SLC26A9: variants seen among roughly 807,000 people sequenced by gnomAD.
The protein encoded by SLC26A9 is solute carrier family 26 member 9, also known as anion transporter/exchanger protein 9.
In SLC26A9, 46 loss-of-function variants were observed where a neutral mutation model predicts 87.1. The ratio of observed to expected loss-of-function variants is 0.53; its 90% CI spans 0.42 to 0.67. SLC26A9 has a LOEUF of 0.67. Ranked by LOEUF, SLC26A9 falls within the 30% of genes least tolerant of loss-of-function variation. The pLI, the probability that SLC26A9 is intolerant of heterozygous loss-of-function variation, is 0.00. For missense variants in SLC26A9, 927 were observed against 1,018.3 expected, an observed-to-expected ratio of 0.91 and a Z score of 1.22; for synonymous variants, 437 against 409.1, an observed-to-expected ratio of 1.07 and a Z score of -0.82.
intron 11 of SLC26A9, 143 bp downstream of exon 11, chr1:205,927,068 C>T: frequency 1.2e-6 from 1 of 816,998 alleles, no homozygotes; most frequent in South Asian, 1.6e-5. Flanking sequence ...AGGATAAAAC[C>T]TGCATTGTCT....
At chr1:205,916,103 T>TTTTG (rs10647790) in intron 20 of SLC26A9, among the ~76,000 whole-genome samples, 121,907 of 151,514 alleles carry the variant, frequency 0.8, 49,289 homozygotes, top group East Asian at 0.91. Context: ...TTAGGTTTTG[T>TTTTG]TTTGTTTGTT....
At chr1:205,916,783 A>G (rs1471484598) in intron 20 of SLC26A9, among the ~76,000 whole-genome samples, 1 of 152,182 alleles carries the variant, frequency 6.6e-6, no homozygotes, top group Non-Finnish European at 1.5e-5. Context: ...CCCTCTCCCC[A>G]CGATAACTTT....
rs568231358 is a variant in SLC26A9 at position 205,924,342 on chromosome 1, G to GA, written c.1496+40dup. ...GAAGCCCTTTGCGGGCTGGCCCAGG[G>GA]AACCGACTGTGGGCCTAGGAGGGCG... On this transcript the variant is annotated intron_variant, in intron 13 of 20. Transcript: ENST00000367135. 1.5e-3 allele frequency: 2,323 copies of GA among 1,593,794 alleles called. 3 individuals carry two copies. Among genetic ancestry groups the GA allele is most frequent in the Non-Finnish European group, 1.7e-3 (2,029 of 1,162,176 alleles).
In SLC26A9 at chr1:205,915,054, G is replaced by A. The variant is rs1007880979; in HGVS notation, c.*303C>T. ...GGTGTCCTTCAGCTGCCAAGGACAG[G>A]GCAGAGGTGGGTGGGGTGGAGTGAG... On this transcript the variant is annotated 3_prime_UTR_variant, in exon 21 of 21. Coordinates refer to ENST00000367135, the MANE Select transcript of SLC26A9 (RefSeq NM_052934.4). 1 of 1,614,082 alleles carries A rather than the reference G, an allele frequency of 6.2e-7. No individual in the cohort carries two copies. The highest frequency in any genetic ancestry group is 8.5e-7 in the Non-Finnish European group (1 of 1,180,054).
chr1:205,937,484 A>C (rs947422864), intron 1 of SLC26A9, among the ~76,000 whole-genome samples: 1 of 152,226 alleles, frequency 6.6e-6, no homozygotes, highest in Non-Finnish European at 1.5e-5. Flanking sequence ...CTGGGTTCAA[A>C]GATTCAGTTT....
At chr1:205,927,154 A>G in intron 11 of SLC26A9, 57 bp downstream of exon 11, 1 of 1,578,738 alleles carries the variant, frequency 6.3e-7, no homozygotes, top group Admixed American at 1.7e-5. Context: ...CACAACTCTC[A>G]GGGATTGTTC....
intron 2 of SLC26A9, among the ~76,000 whole-genome samples, chr1:205,934,431 A>G (rs1335083357): frequency 1.3e-5 from 2 of 152,198 alleles, no homozygotes; most frequent in South Asian, 2.1e-4. Flanking sequence ...TGGCTAGGGA[A>G]AGAAAAACAA....
At chr1:205,926,913 G>T (rs75160559) in intron 11 of SLC26A9, among the ~76,000 whole-genome samples, 1 of 152,170 alleles carries the variant, frequency 6.6e-6, no homozygotes, top group Middle Eastern at 3.2e-3. Flanking sequence ...CCTGGTACTC[G>T]TGGGTAGGTG....
At chr1:205,927,316 G>A in intron 10 of SLC26A9, 28 bp from the exon 11 acceptor site, 5 of 1,612,828 alleles carry the variant, frequency 3.1e-6, no homozygotes, top group Non-Finnish European at 4.2e-6. Flanking sequence ...TGGGGATAGA[G>A]GGAAGGTGTG....
Position 205,914,805 on chromosome 1 carries a change from G to C in SLC26A9, c.*552C>G. 3 of 1,501,714 alleles carry C rather than the reference G, an allele frequency of 2.0e-6. No homozygotes were observed. Among genetic ancestry groups the C allele is most frequent in the Non-Finnish European group, 2.7e-6 (3 of 1,108,852 alleles). 93.0% of individuals were successfully genotyped at this position (1,501,714 alleles called of 1,614,324 possible). ...CAAGGCCTAGACTCCTGGGTGTGGA[G>C]AGCACATGGTCCCTGGGTGCAGAGC... On this transcript the variant is annotated 3_prime_UTR_variant, in exon 21 of 21. Transcript: ENST00000367135.
chr1:205,940,371 G>C (rs1300958568), intron 1 of SLC26A9, among the ~76,000 whole-genome samples: 1 of 152,152 alleles, frequency 6.6e-6, no homozygotes, highest in Non-Finnish European at 1.5e-5. Context: ...TTTCTAACCA[G>C]GTCTCTGTCA....
chr1:205,917,316 C>A lies in SLC26A9; in HGVS notation c.2295G>T (p.Glu765Asp). The A allele has an allele frequency of 6.2e-7, 1 of 1,614,020 alleles. No homozygotes were observed. Among genetic ancestry groups the A allele is most frequent in the South Asian group, 1.1e-5 (1 of 91,064 alleles). ...GDAELSLYDS[E>D]EDIRSYWDLE... ...AGTCCCAGTAGCTGCGAATGTCCTC[C>A]TCTGAGTCGTACAAGGAGAGCTCAG... The change falls in exon 20 of 21, where the codon GAG becomes GAT. Residue 765 changes from glutamate (E) to aspartate (D), a missense_variant. By Grantham distance (45) the Glu-to-Asp change is conservative. Coordinates refer to ENST00000367135, the MANE Select transcript of SLC26A9 (RefSeq NM_052934.4).
At position 205,929,983 on chromosome 1, in the gene SLC26A9, G is replaced by C; in HGVS notation, c.626C>G (p.Thr209Arg). The C allele has an allele frequency of 6.2e-7, 1 of 1,613,898 alleles. No homozygotes were observed. Among genetic ancestry groups the C allele is most frequent in the South Asian group, 1.1e-5 (1 of 91,058 alleles). The change falls in exon 6 of 21, where the codon ACG becomes AGG. Residue 209 changes from threonine to arginine, a missense_variant. Transcript: ENST00000367135. ...AATCAGGATCTGCAGGCCGGCGGCC[G>C]TCATGAAGCCCCGGATGAAGGACTC... ...LSESFIRGFM[T>R]AAGLQILISV...
chr1:205,942,221 G>A (rs1659776979), intron 1 of SLC26A9, among the ~76,000 whole-genome samples: 1 of 152,234 alleles, frequency 6.6e-6, no homozygotes, highest in Admixed American at 6.5e-5. Flanking sequence ...GACTCAGAGA[G>A]CAGGTGGCTA....
chr1:205,922,789 C>T (rs975336868), intron 16 of SLC26A9, among the ~76,000 whole-genome samples: 5 of 152,140 alleles, frequency 3.3e-5, no homozygotes, highest in African/African-American at 1.2e-4. Context: ...ATCTCAGCGA[C>T]TTGGGAGGCT....
chr1:205,938,034 G>T (rs992920907), intron 1 of SLC26A9, among the ~76,000 whole-genome samples: 1 of 152,052 alleles, frequency 6.6e-6, no homozygotes, highest in East Asian at 1.9e-4. Context: ...GCTTTCAAAG[G>T]GTCTAAGTTC....
rs1571721533 is a variant in SLC26A9, at chr1:205,913,647, C to T, written c.*1710G>A. The T allele has an allele frequency of 6.6e-6, 1 of 152,656 alleles. No individual in the cohort carries two copies. Among genetic ancestry groups the T allele is most frequent in the East Asian group, 1.9e-4 (1 of 5,202 alleles). 9.5% of individuals were successfully genotyped at this position (152,656 alleles called of 1,614,324 possible). A position where few individuals can be genotyped will look rare whatever the true frequency, so the allele number is the denominator to read the frequency against. The stretch of plus-strand genomic sequence containing the variant: ...TGTCATTGGCTAAGGCTCTTGTCCT[C>T]CTGGAATTTGGCACTTCGGGTGCTG... On this transcript the variant is annotated 3_prime_UTR_variant, in exon 21 of 21. Transcript: ENST00000367135.
intron 1 of SLC26A9, among the ~76,000 whole-genome samples, chr1:205,937,094 G>A (rs554178968): frequency 2.5e-4 from 38 of 152,160 alleles, no homozygotes; most frequent in Non-Finnish European, 5.9e-5. Flanking sequence ...AAAGTGTGAT[G>A]CAAATGTGAG....
intron 3 of SLC26A9, 59 bp downstream of exon 3, chr1:205,932,886 T>C: frequency 6.2e-7 from 1 of 1,606,962 alleles, no homozygotes; most frequent in Non-Finnish European, 8.5e-7. Flanking sequence ...GGAGTGGGGA[T>C]GAGGAGAGGA....
Sources: allele counts gnomAD v4.1 joint callset (sites outside exome capture counted in the v4.1 genomes callset), GRCh38; gene constraint gnomAD v4.1.1; transcripts MANE v1.5; gene names NCBI Gene and HGNC (gene_info 2026-07-23, HGNC 2026-07-21).